The following DENND2C variants were observed in gnomAD, a reference collection of about 807,000 sequenced individuals.
The protein encoded by DENND2C is DENN domain-containing protein 2C.
In DENND2C, 72 loss-of-function variants were observed where a neutral mutation model predicts 112.4. The observed-to-expected ratio is 0.64, with a 90% CI of 0.53 to 0.78. DENND2C has a LOEUF of 0.78. DENND2C is among the 30% of genes least tolerant of loss of function. DENND2C has a pLI of 0.00. For missense variants in DENND2C, 992 were observed against 1,113.8 expected, an observed-to-expected ratio of 0.89 and a Z score of 1.56; for synonymous variants, 329 against 381.6, an observed-to-expected ratio of 0.86 and a Z score of 1.61.
At chr1:114,653,148 G>C (rs182483211) in intron 2 of DENND2C, among the ~76,000 whole-genome samples, 1 of 151,376 alleles carries the variant, frequency 6.6e-6, no homozygotes, top group African/African-American at 2.4e-5. Context: ...TCACTTTGTC[G>C]ACCAGGCTGG....
intron 18 of DENND2C, among the ~76,000 whole-genome samples, chr1:114,593,234 T>A (rs1208863741): frequency 6.6e-6 from 1 of 152,170 alleles, no homozygotes; most frequent in Admixed American, 6.6e-5. Context: ...CCTCCAAGTG[T>A]TGGAAATCTA....
intron 9 of DENND2C, 110 bp downstream of exon 9, chr1:114,610,963 C>T (rs369156175): frequency 4.7e-6 from 6 of 1,271,856 alleles, no homozygotes; most frequent in East Asian, 2.3e-5. Context: ...AAATCATCTA[C>T]AAAATGGAAC....
In DENND2C at chr1:114,602,183, G is replaced by A. The variant is rs1419455583; in HGVS notation, c.1679C>T (p.Ser560Phe). ...TCCATCTTCACCAGTCAAGACAAAG[G>A]AGAATGTTTCACTGAAAAAAGAGCC... Reference protein sequence around the residue: ...PTSELKSETFSFVLTGEDGSR... With the variant: ...PTSELKSETFFFVLTGEDGSR... The change falls in exon 12 of 21, where the codon TCC becomes TTC. Residue 560 changes from serine (S) to phenylalanine (F), a missense_variant. Ser to Phe is a radical substitution (Grantham distance 155). This residue lies in a region of DENND2C where 516 missense variants were observed against 623.6 expected (regional missense o/e 0.83). Coordinates refer to ENST00000393274, the MANE Select transcript of DENND2C (RefSeq NM_001256404.2). The A allele has an allele frequency of 3.1e-6, 5 of 1,613,524 alleles. No individual in the cohort carries two copies. The highest frequency in any genetic ancestry group is 2.2e-5 in the East Asian group (1 of 44,836).
chr1:114,608,582 T>C, intron 10 of DENND2C, 104 bp downstream of exon 10: 8 of 1,275,754 alleles, frequency 6.3e-6, no homozygotes, highest in Non-Finnish European at 5.4e-6. Context: ...AAGAACAGTA[T>C]TGGTAAAAAC....
At chr1:114,631,410 T>C (rs1656484511) in intron 3 of DENND2C, among the ~76,000 whole-genome samples, 1 of 151,912 alleles carries the variant, frequency 6.6e-6, no homozygotes, top group Admixed American at 6.6e-5. Context: ...AAATAAAATG[T>C]CCGTCATCTA....
intron 1 of DENND2C, among the ~76,000 whole-genome samples, chr1:114,669,101 A>T (rs1268867186): frequency 6.6e-6 from 1 of 152,256 alleles, no homozygotes; most frequent in Non-Finnish European, 1.5e-5. Flanking sequence ...GCAAGGATCT[A>T]TCACTTTATC....
intron 7 of DENND2C, among the ~76,000 whole-genome samples, chr1:114,620,636 G>C (rs74866102): frequency 0.027 from 4,086 of 152,234 alleles, 196 homozygotes; most frequent in African/African-American, 0.093. Flanking sequence ...TGATCTACCA[G>C]AGGGCGCAGC....
At chr1:114,616,200 G>A (rs1424604450) in intron 8 of DENND2C, among the ~76,000 whole-genome samples, 1 of 152,060 alleles carries the variant, frequency 6.6e-6, no homozygotes, top group African/African-American at 2.4e-5. Context: ...GATCAGCCTG[G>A]CCAATATGGT....
At chr1:114,647,935 G>T (rs1657042647) in intron 2 of DENND2C, among the ~76,000 whole-genome samples, 1 of 151,906 alleles carries the variant, frequency 6.6e-6, no homozygotes, top group South Asian at 2.1e-4. Flanking sequence ...AGCCTCCCGA[G>T]TAGCTGAGAT....
At chr1:114,605,879 G>A (rs1322327458) in intron 10 of DENND2C, among the ~76,000 whole-genome samples, 1 of 152,088 alleles carries the variant, frequency 6.6e-6, no homozygotes, top group Non-Finnish European at 1.5e-5. Flanking sequence ...CTACCTAATT[G>A]CTGGTTTGGA....
intron 14 of DENND2C, 32 bp from the exon 15 acceptor site, chr1:114,600,384 A>T (rs1389464329): frequency 6.2e-7 from 1 of 1,612,668 alleles, no homozygotes; most frequent in East Asian, 2.2e-5. Flanking sequence ...CAGGTGAGCT[A>T]ATGTTGGAAA....
rs138242785 is a variant in DENND2C, at chr1:114,583,835, AAC to A, written c.*1763_*1764del. On this transcript the variant is annotated 3_prime_UTR_variant, in exon 21 of 21. Transcript: ENST00000393274. Reference sequence around the variant, plus strand: ...AAAAAAAAAAAAAAAACCGAAACAAAACACACACACACACACATACACACACA... The same window carrying A: ...AAAAAAAAAAAAAAAACCGAAACAAAACACACACACACACATACACACACA... 4.3e-5 allele frequency: 6 copies of A among 140,374 alleles called. No individual in the cohort carries two copies. The highest frequency in any genetic ancestry group is 7.4e-5 in the Admixed American group (1 of 13,604). The allele number at this position is 140,374 out of a possible 1,614,324, so 8.7% of individuals were successfully genotyped here.
intron 2 of DENND2C, among the ~76,000 whole-genome samples, chr1:114,647,966 C>T (rs910239923): frequency 1.3e-5 from 2 of 151,740 alleles, no homozygotes; most frequent in East Asian, 2.0e-4. Context: ...CTCCACCATG[C>T]GCAGCTAATT....
intron 7 of DENND2C, among the ~76,000 whole-genome samples, chr1:114,619,215 G>C (rs1656090175): frequency 6.6e-6 from 1 of 152,172 alleles, no homozygotes; most frequent in East Asian, 1.9e-4. Flanking sequence ...GACACACACA[G>C]AATGCGGTAA....
chr1:114,640,248 G>T (rs959669158), intron 3 of DENND2C, among the ~76,000 whole-genome samples: 2 of 152,204 alleles, frequency 1.3e-5, no homozygotes, highest in Non-Finnish European at 2.9e-5. Flanking sequence ...TGTCCCAGGT[G>T]TAAAAGTTCC....
intron 3 of DENND2C, among the ~76,000 whole-genome samples, chr1:114,633,439 C>CAAAAAAAAAAAAA (rs780884019): frequency 7.5e-4 from 37 of 49,170 alleles, no homozygotes; most frequent in African/African-American, 1.5e-3. Flanking sequence ...GACCCTATCT[C>CAAAAAAAAAAAAA]AAAAAAAAAA....
chr1:114,599,485 T>C, intron 15 of DENND2C, 34 bp from the exon 16 acceptor site: 1 of 1,520,054 alleles, frequency 6.6e-7, no homozygotes, highest in Non-Finnish European at 8.9e-7. Flanking sequence ...GTGTCATATA[T>C]AGAGTAACAT....
chr1:114,625,537 A>C lies in DENND2C; in HGVS notation c.448T>G (p.Trp150Gly). ...PGNFYTSQIL[W>G]KKIEALPPDK... ...GGGGGAAGTGCTTCTATTTTCTTCC[A>C]CAGTATTTGTGAGGTATAGAAGTTT... Residue 150 changes from tryptophan to glycine, a missense_variant, in exon 4 of 21, where the codon TGG (tryptophan) becomes GGG (glycine). By Grantham distance (184) the Trp-to-Gly change is radical. Transcript: ENST00000393274. 1 of 1,614,088 alleles carries C rather than the reference A, an allele frequency of 6.2e-7. No homozygotes were observed. Among genetic ancestry groups the C allele is most frequent in the South Asian group, 1.1e-5 (1 of 91,080 alleles).
chr1:114,649,277 A>C (rs1387254339), intron 2 of DENND2C, among the ~76,000 whole-genome samples: 1 of 152,028 alleles, frequency 6.6e-6, no homozygotes, highest in Non-Finnish European at 1.5e-5. Flanking sequence ...TTATCCTTTT[A>C]AAAATCCCCT....
Sources: gnomAD v4.1 joint callset for allele counts (sites outside exome capture counted in the v4.1 genomes callset) on GRCh38, gnomAD v4.1.1 for gene constraint, gnomAD v4.1.1 regional missense constraint, MANE v1.5 for transcripts, NCBI Gene and HGNC (gene_info 2026-07-23, HGNC 2026-07-21) for gene names.